The following ZFHX2 variants were observed in gnomAD, a reference collection of about 807,000 sequenced individuals.
ZFHX2 encodes the protein zinc finger homeobox protein 2.
In ZFHX2, 75 loss-of-function variants were observed where a neutral mutation model predicts 164.8. The ratio of observed to expected loss-of-function variants is 0.46; its 90% CI spans 0.38 to 0.55. The LOEUF (loss-of-function observed/expected upper bound fraction) is 0.55. Among genes scored for constraint, ZFHX2 ranks in the 20% least tolerant of loss-of-function variants. The pLI, the probability that ZFHX2 is intolerant of heterozygous loss-of-function variation, is 0.00. For missense variants in ZFHX2, 2,933 were observed against 3,308.0 expected (o/e 0.89, Z 2.78); for synonymous variants, 1,217 against 1,351.4 (o/e 0.90, Z 2.18).
chr14:23,533,987 G>A lies in ZFHX2; in HGVS notation c.1339C>T (p.Arg447Cys), dbSNP rs973778136. Residue 447 changes from arginine to cysteine, a missense_variant, in exon 2 of 10, where the codon CGC becomes TGC. By Grantham distance (180) the Arg-to-Cys change is radical. Transcript: ENST00000419474. The surrounding 1 kb of genome is among the most constrained non-coding windows in gnomAD (Gnocchi z 4.8). ...LSSHMSLLHS[R>C]NSCKTLKCPK... is the part of the protein sequence containing the mutation. ...CACTTGAGTGTCTTGCAGGAGTTGC[G>A]TGAGTGGAGCAGGGACATGTGGCTG... 16 of 1,537,542 alleles carry A rather than the reference G, an allele frequency of 1.0e-5. No homozygotes were observed. Among genetic ancestry groups the A allele is most frequent in the South Asian group, 8.3e-5 (7 of 84,064 alleles).
intron 1 of ZFHX2, among the ~76,000 whole-genome samples, chr14:23,550,354 T>C (rs1248367636): frequency 1.3e-5 from 2 of 152,152 alleles, no homozygotes; most frequent in South Asian, 2.1e-4. Context: ...AATTCCAAAG[T>C]AGCCTGAAAA....
rs1881926125 is a variant in ZFHX2, at chr14:23,551,293, G to C, written c.-50+50C>G. The C allele has an allele frequency of 2.0e-5, 3 of 152,656 alleles. No individual in the cohort carries two copies. The highest frequency in any genetic ancestry group is 6.5e-5 in the Admixed American group (1 of 15,280). The allele number at this position is 152,656 out of a possible 1,614,324, so 9.5% of individuals were successfully genotyped here. A position where few individuals can be genotyped will look rare whatever the true frequency, so the allele number is the denominator to read the frequency against. On this transcript the variant is annotated intron_variant, in intron 1 of 9. Transcript: ENST00000419474. The surrounding 1 kb of genome is among the most constrained non-coding windows in gnomAD (Gnocchi z 5.3). ...GCAAGGAAGGGAAGAAGAGAGAGAG[G>C]GAGAGGAGAAAAAAACCAACCCAGC...
At position 23,526,622 on chromosome 14, in the gene ZFHX2, G is replaced by C. The variant is rs891751750; in HGVS notation, c.3320C>G (p.Ala1107Gly). ...SPDPLPEPPL[A>G]SVEVPDKPSG... ...GGGTTTGTCTGGGACCTCAACTGAG[G>C]CCAGGGGAGGCTCAGGAAGAGGATC... Residue 1107 changes from alanine (A) to glycine (G), a missense_variant, in exon 9 of 10, where the codon GCC becomes GGC. Ala to Gly is a moderately conservative substitution (Grantham distance 60). Coordinates refer to ENST00000419474, the MANE Select transcript of ZFHX2 (RefSeq NM_033400.3). 3 of 1,535,980 alleles carry C rather than the reference G, an allele frequency of 2.0e-6. No homozygotes were observed. Among genetic ancestry groups the C allele is most frequent in the African/African-American group, 2.7e-5 (2 of 73,114 alleles).
Position 23,531,626 on chromosome 14 carries a change from C to T in ZFHX2, c.2655G>A (p.Val885=). The change falls in exon 4 of 10, where the codon GTG becomes GTA. Residue 885 remains valine, a synonymous_variant. Coordinates refer to ENST00000419474, the MANE Select transcript of ZFHX2 (RefSeq NM_033400.3). ...GGGCAGGTGTGCGCAGGTGTTGCAG[C>T]ACAGCCAAGCGGGAGGGTGTCTCCC... is the stretch of plus-strand genomic sequence containing the variant. ...CAWETPSRLA[V]LQHLRTPAHR... The T allele has an allele frequency of 6.6e-7, 1 of 1,522,560 alleles. No individual in the cohort carries two copies. The highest frequency in any genetic ancestry group is 1.2e-5 in the South Asian group (1 of 82,084). 94.3% of individuals were successfully genotyped at this position (1,522,560 alleles called of 1,614,324 possible).
In ZFHX2 at chr14:23,526,593, C is replaced by T; in HGVS notation, c.3349G>A (p.Gly1117Arg). The T allele has an allele frequency of 6.5e-7, 1 of 1,535,788 alleles. No individual in the cohort carries two copies. Among genetic ancestry groups the T allele is most frequent in the Non-Finnish European group, 8.7e-7 (1 of 1,146,798 alleles). ...ASVEVPDKPS[G>R]SPGQPPSPAP... ...GGAGAAGGGGGTTGGCCAGGGCTTC[C>T]TGAGGGTTTGTCTGGGACCTCAACT... Residue 1117 changes from glycine to arginine, a missense_variant, in exon 9 of 10, where the codon GGA becomes AGA. Physicochemically the swap from Gly to Arg is moderately radical, Grantham distance 125. Transcript: ENST00000419474.
At chr14:23,527,560 C>G (rs897957720) in intron 7 of ZFHX2, 44 bp downstream of exon 7, 95 of 1,535,092 alleles carry the variant, frequency 6.2e-5, no homozygotes, top group Non-Finnish European at 8.1e-5. Flanking sequence ...CTGCACAGCC[C>G]TAATAAGGTC....
chr14:23,537,735 C>T (rs538035339), intron 1 of ZFHX2, among the ~76,000 whole-genome samples: 1 of 152,134 alleles, frequency 6.6e-6, no homozygotes, highest in Non-Finnish European at 1.5e-5. Context: ...CAGAAGCCCT[C>T]AAGTTGAGGG....
At chr14:23,543,464 T>G (rs979451574) in intron 1 of ZFHX2, 1 of 152,314 alleles carries the variant, frequency 6.6e-6, no homozygotes, top group Non-Finnish European at 1.5e-5. Flanking sequence ...TGTATTACTC[T>G]GTGTGTCACC....
Position 23,534,398 on chromosome 14 carries a change from T to A in ZFHX2, c.928A>T (p.Ser310Cys). ...ACATTCGCCTCCATGTTCACTGTGC[T>A]GCTGTTGTCAAGGGGTATGTCAGAA... ...PSSDIPLDNS[S>C]TVNMEANVAQ... is the part of the protein sequence containing the mutation. Residue 310 changes from serine to cysteine, a missense_variant, in exon 2 of 10, where the codon AGC becomes TGC. Coordinates refer to ENST00000419474, the MANE Select transcript of ZFHX2 (RefSeq NM_033400.3). The surrounding 1 kb of genome is among the most constrained non-coding windows in gnomAD (Gnocchi z 4.5). 6.5e-7 allele frequency: 1 copy of A among 1,536,872 alleles called. No homozygotes were observed. The highest frequency in any genetic ancestry group is 8.7e-7 in the Non-Finnish European group (1 of 1,147,042).
Position 23,523,282 on chromosome 14 carries a change from C to T in ZFHX2, c.6660G>A (p.Leu2220=). The T allele has an allele frequency of 1.4e-6, 2 of 1,437,988 alleles. No individual in the cohort carries two copies. The highest frequency in any genetic ancestry group is 1.8e-6 in the Non-Finnish European group (2 of 1,100,322). 89.1% of individuals were successfully genotyped at this position (1,437,988 alleles called of 1,614,324 possible). A position where few individuals can be genotyped will look rare whatever the true frequency, so the allele number is the denominator to read the frequency against. ...ATAAGAGGACCGGCGCCAGGCGAGG[C>T]AAGGTTGGGGCAGCCCCGAGGGGCA... ...ASMPLGAAPT[L]PRLAPVLLSG... Residue 2220 remains leucine (L), a synonymous_variant, in exon 9 of 10, where the codon TTG becomes TTA. Coordinates refer to ENST00000419474, the MANE Select transcript of ZFHX2 (RefSeq NM_033400.3). This position sits in a 1 kb window ranked among gnomAD's most constrained non-coding sequence, Gnocchi z 4.1.
intron 1 of ZFHX2, among the ~76,000 whole-genome samples, chr14:23,549,758 A>G (rs549249357): frequency 3.0e-4 from 45 of 152,316 alleles, no homozygotes; most frequent in African/African-American, 8.7e-4. Context: ...GAGGGGTTAT[A>G]TGCCCCTGGA....
rs1465292282 is a variant in ZFHX2, at chr14:23,533,332, T to C, written c.1994A>G (p.Asn665Ser). 2.1e-6 allele frequency: 3 copies of C among 1,439,334 alleles called. No homozygotes were observed. Among genetic ancestry groups the C allele is most frequent in the Admixed American group, 2.9e-5 (1 of 35,064 alleles). 89.2% of individuals were successfully genotyped at this position (1,439,334 alleles called of 1,614,324 possible). The stretch of plus-strand genomic sequence containing the variant: ...AGGTGCTCCTACGTGGTGGAAACCA[T>C]TGAGAAGTAGCTGGGCTTCCAGGGG... ...DKPLEAQLLLNGFHHVGAPAR... is the reference protein window; with the variant it reads ...DKPLEAQLLLSGFHHVGAPAR... Residue 665 changes from asparagine (N) to serine (S), a missense_variant, in exon 2 of 10, where the codon AAT becomes AGT. Transcript: ENST00000419474. This position sits in a 1 kb window ranked among gnomAD's most constrained non-coding sequence, Gnocchi z 4.8.
At position 23,526,097 on chromosome 14, in the gene ZFHX2, T is replaced by C; in HGVS notation, c.3845A>G (p.Asp1282Gly). The C allele has an allele frequency of 6.5e-7, 1 of 1,536,518 alleles. No individual in the cohort carries two copies. Residue 1282 changes from aspartate to glycine, a missense_variant, in exon 9 of 10, where the codon GAT becomes GGT. Coordinates refer to ENST00000419474, the MANE Select transcript of ZFHX2 (RefSeq NM_033400.3). ...HQTRSRGTKT[D>G]SKIEGPERSQ... ...GCGTTCTGGCCCTTCAATCTTGGAA[T>C]CAGTCTTGGTTCCCCGAGAGCGAGT...
chr14:23,522,502 A>C lies in ZFHX2; in HGVS notation c.7179T>G (p.Ile2393Met), dbSNP rs1388196525. 1.3e-6 allele frequency: 2 copies of C among 1,533,428 alleles called. No individual in the cohort carries two copies. The highest frequency in any genetic ancestry group is 1.7e-6 in the Non-Finnish European group (2 of 1,145,070). The allele number at this position is 1,533,428 out of a possible 1,614,324, so 95.0% of individuals were successfully genotyped here. The change falls in exon 10 of 10, where the codon ATT becomes ATG. Residue 2393 changes from isoleucine to methionine, a missense_variant. Transcript: ENST00000419474. ...GGAGGAGGGCATTGGGGAGCAGCCC[A>C]ATGAGGGTCTGAGGTATCATGGGGT... ...PMNPMIPQTL[I>M]GLLPNALLQP...
In ZFHX2 at chr14:23,535,940, T is replaced by C. The variant is rs1880094382; in HGVS notation, c.-49-566A>G. Among the ~76,000 whole-genome samples, 1 of 152,090 alleles carries C rather than the reference T, an allele frequency of 6.6e-6. No homozygotes were observed. On this transcript the variant is annotated intron_variant, in intron 1 of 9. Transcript: ENST00000419474. The surrounding 1 kb of genome is among the most constrained non-coding windows in gnomAD (Gnocchi z 4.5). The stretch of plus-strand genomic sequence containing the variant: ...AACCTGCTCCTCCCCATCTTTCCTA[T>C]CTCCAAAGTTGGTACCAACATTTAT...
chr14:23,552,683 C>A (rs892389996), upstream of ZFHX2, among the ~76,000 whole-genome samples: 5 of 152,004 alleles, frequency 3.3e-5, no homozygotes, highest in African/African-American at 1.2e-4. Context: ...CTCACTGCAA[C>A]CTTCACCTCC....
In ZFHX2 at chr14:23,525,383, C is replaced by G; in HGVS notation, c.4559G>C (p.Arg1520Pro). 6.5e-7 allele frequency: 1 copy of G among 1,536,052 alleles called. No individual in the cohort carries two copies. The highest frequency in any genetic ancestry group is 8.7e-7 in the Non-Finnish European group (1 of 1,146,900). Residue 1520 changes from arginine to proline, a missense_variant, in exon 9 of 10, where the codon CGA becomes CCA. Transcript: ENST00000419474. This position sits in a 1 kb window ranked among gnomAD's most constrained non-coding sequence, Gnocchi z 5.9. ...EALSRYAAQF[R>P]KSYDSLYPPL... The stretch of plus-strand genomic sequence containing the variant: ...CGGGTATAGGCTGTCATAGCTCTTT[C>G]GAAACTGAGCAGCATAACGGCTCAG...
At position 23,534,652 on chromosome 14, in the gene ZFHX2, A is replaced by G; in HGVS notation, c.674T>C (p.Met225Thr). 6.5e-7 allele frequency: 1 copy of G among 1,536,152 alleles called. No homozygotes were observed. The highest frequency in any genetic ancestry group is 8.7e-7 in the Non-Finnish European group (1 of 1,146,900). ...CACGTGGTTGCCCCCGCTGTTCCCCATGGGGCCATCTTTGGGATCTCCGGG... is the reference window on the plus strand; with the variant it reads ...CACGTGGTTGCCCCCGCTGTTCCCCGTGGGGCCATCTTTGGGATCTCCGGG... ...NPPGDPKDGPMGNSGGNHVAV... is the reference protein window; with the variant it reads ...NPPGDPKDGPTGNSGGNHVAV... Residue 225 changes from methionine to threonine, a missense_variant, in exon 2 of 10, where the codon ATG becomes ACG. Coordinates refer to ENST00000419474, the MANE Select transcript of ZFHX2 (RefSeq NM_033400.3). The surrounding 1 kb of genome is among the most constrained non-coding windows in gnomAD (Gnocchi z 4.5).
At chr14:23,550,746 C>G (rs1444125646) in intron 1 of ZFHX2, among the ~76,000 whole-genome samples, 1 of 151,106 alleles carries the variant, frequency 6.6e-6, no homozygotes, top group African/African-American at 2.4e-5. Context: ...CCCTCACCTA[C>G]TCAACACTTT....
Sources: gnomAD v4.1 joint callset for allele counts (sites outside exome capture counted in the v4.1 genomes callset) on GRCh38, gnomAD v4.1.1 for gene constraint, Gnocchi (gnomAD v3.1) non-coding constraint, MANE v1.5 for transcripts, NCBI Gene and HGNC (gene_info 2026-07-23, HGNC 2026-07-21) for gene names.